The following PLEKHB2 variants were observed in gnomAD, a reference collection of about 807,000 sequenced individuals.
PLEKHB2 encodes the protein pleckstrin homology domain containing B2, also known as pleckstrin homology domain-containing family B member 2.
In PLEKHB2, 31 loss-of-function variants were observed where a neutral mutation model predicts 36.5. The observed-to-expected ratio is 0.85, with a 90% CI of 0.64 to 1.15. PLEKHB2 has a LOEUF of 1.15. Among genes scored for constraint, PLEKHB2 ranks in the 50% most tolerant of loss-of-function variants. PLEKHB2 has a pLI of 0.00. For synonymous variants in PLEKHB2, 119 were observed against 112.0 expected (o/e 1.06, Z -0.39); for missense variants, 262 against 295.3 (o/e 0.89, Z 0.83).
At chr2:131,120,855 G>C in intron 1 of PLEKHB2, 79 bp from the exon 2 acceptor site, 3 of 1,417,076 alleles carry the variant, frequency 2.1e-6, no homozygotes, top group Non-Finnish European at 3.0e-6. Context: ...TGCTGAAGGG[G>C]ATAAGGATAG....
intron 5 of PLEKHB2, 49 bp downstream of exon 5, chr2:131,130,809 G>A: frequency 1.5e-6 from 2 of 1,332,188 alleles, no homozygotes; most frequent in South Asian, 2.4e-5. Flanking sequence ...TTTTGACAAG[G>A]TGTCACTCTC....
At chr2:131,136,122 A>G (rs1469054455) in intron 6 of PLEKHB2, among the ~76,000 whole-genome samples, 1 of 150,992 alleles carries the variant, frequency 6.6e-6, no homozygotes, top group East Asian at 1.9e-4. Context: ...GTTTATCATG[A>G]CTGGTTGTCA....
chr2:131,118,895 A>G (rs1202605714), intron 1 of PLEKHB2: 1 of 143,946 alleles, frequency 6.9e-6, no homozygotes, highest in Non-Finnish European at 1.5e-5. Flanking sequence ...AAAAAAAAAA[A>G]AAAGCTAAAG....
rs1274280350 is a variant in PLEKHB2, at chr2:131,132,884, C to G, written c.334-18C>G. ...GCTGGGAAGCTGTCCTGTCCTCACC[C>G]TCTCCTGTCTCCCGCAGGCGTATGT... On this transcript the variant is annotated intron_variant, in intron 5 of 7. Transcript: ENST00000693505. The G allele has an allele frequency of 1.3e-6, 2 of 1,489,054 alleles. No individual in the cohort carries two copies. Among genetic ancestry groups the G allele is most frequent in the African/African-American group, 2.8e-5 (2 of 72,514 alleles). The allele number at this position is 1,489,054 out of a possible 1,614,324, so 92.2% of individuals were successfully genotyped here. A position where few individuals can be genotyped will look rare whatever the true frequency, so the allele number is the denominator to read the frequency against.
At chr2:131,137,959 C>G (rs934157334) in intron 6 of PLEKHB2, among the ~76,000 whole-genome samples, 18 of 150,736 alleles carry the variant, frequency 1.2e-4, no homozygotes, top group African/African-American at 4.4e-4. Context: ...ACTTTCTACT[C>G]TCCTTCTGGC....
At chr2:131,134,269 C>G (rs571491514) in intron 6 of PLEKHB2, among the ~76,000 whole-genome samples, 2 of 152,226 alleles carry the variant, frequency 1.3e-5, no homozygotes, top group East Asian at 3.9e-4. Context: ...TCACCACAAC[C>G]TCCACCTCCC....
In PLEKHB2 at chr2:131,135,212, C is replaced by A. The variant is rs150529395; in HGVS notation, c.423+2221C>A. On this transcript the variant is annotated intron_variant, in intron 6 of 7. Transcript: ENST00000693505. ...TCAGCCTCCTGAGTAGCCGGGATTA[C>A]AGGCACGTGCCACCACACTAATTTT... Among the ~76,000 whole-genome samples, 568 of 152,150 alleles carry A rather than the reference C, an allele frequency of 3.7e-3. 1 individual carries two copies. Among genetic ancestry groups the A allele is most frequent in the African/African-American group, 0.013 (543 of 41,494 alleles).
intron 6 of PLEKHB2, among the ~76,000 whole-genome samples, chr2:131,133,467 A>G (rs1426820117): frequency 6.6e-6 from 1 of 152,224 alleles, no homozygotes; most frequent in Non-Finnish European, 1.5e-5. Flanking sequence ...TGAATTTTGA[A>G]ATAATTATAG....
At chr2:131,110,535 G>A (rs1350349578) in intron 1 of PLEKHB2, among the ~76,000 whole-genome samples, 5 of 152,028 alleles carry the variant, frequency 3.3e-5, no homozygotes, top group Non-Finnish European at 4.4e-5. Flanking sequence ...ACCACTATGT[G>A]CAGCTAACTT....
chr2:131,107,339 G>A (rs1694842796), intron 1 of PLEKHB2: 1 of 152,200 alleles, frequency 6.6e-6, no homozygotes, highest in African/African-American at 2.4e-5. Context: ...TCTGCCCTTT[G>A]ATGGTGCTTG....
At chr2:131,126,275 C>T (rs1471579957) in intron 3 of PLEKHB2, among the ~76,000 whole-genome samples, 1 of 152,120 alleles carries the variant, frequency 6.6e-6, no homozygotes, top group Non-Finnish European at 1.5e-5. Context: ...TGCCTGTAAT[C>T]CCAGCACTTT....
intron 4 of PLEKHB2, chr2:131,127,186 C>T (rs780895204): frequency 5.4e-6 from 1 of 183,820 alleles, no homozygotes; most frequent in Admixed American, 5.8e-5. Context: ...TTCATTGTCT[C>T]ATAGTTCTGG....
intron 1 of PLEKHB2, among the ~76,000 whole-genome samples, chr2:131,109,441 G>A (rs1405730358): frequency 6.6e-6 from 1 of 152,160 alleles, no homozygotes; most frequent in Non-Finnish European, 1.5e-5. Flanking sequence ...TTGGAGGCCA[G>A]CACTTTTGGA....
chr2:131,111,916 TGA>T lies in PLEKHB2; in HGVS notation c.-9+6519_-9+6520del, dbSNP rs200401508. On this transcript the variant is annotated intron_variant, in intron 1 of 7. Transcript: ENST00000693505. ...ATGGTCTAGATTTTTCTCCAGTGTC[TGA>T]TTGTGGTACTGTGAAATGTTTATTT... 2.8e-3 allele frequency among the ~76,000 whole-genome samples: 422 copies of T among 152,366 alleles called. 9 individuals are homozygous for T. The highest frequency in any genetic ancestry group is 0.02 in the Admixed American group (304 of 15,300).
At chr2:131,143,115 G>C (rs1425904091) in intron 7 of PLEKHB2, among the ~76,000 whole-genome samples, 1 of 152,176 alleles carries the variant, frequency 6.6e-6, no homozygotes, top group Non-Finnish European at 1.5e-5. Context: ...CCCAGCTGCA[G>C]ACTAATGTTA....
rs138448292 is a variant in PLEKHB2, at chr2:131,124,280, C to T, written c.38-1473C>T. Among the ~76,000 whole-genome samples, 62 of 152,190 alleles carry T rather than the reference C, an allele frequency of 4.1e-4. 1 individual carries two copies. In the East Asian group the frequency reaches 6.4e-3, roughly 16 times the overall value. On this transcript the variant is annotated intron_variant, in intron 2 of 7. Coordinates refer to ENST00000693505, the MANE Select transcript of PLEKHB2 (RefSeq NM_001100623.2). The stretch of plus-strand genomic sequence containing the variant: ...TACTACTGGCAGGAAAGCCGAATGG[C>T]GCATATCTGGTTGACACCAGTTGCA...
At chr2:131,109,103 T>C (rs1573512477) in intron 1 of PLEKHB2, among the ~76,000 whole-genome samples, 2 of 152,084 alleles carry the variant, frequency 1.3e-5, no homozygotes, top group African/African-American at 4.8e-5. Context: ...GAGGCTGAGA[T>C]GGAAGAATCC....
At chr2:131,113,836 G>C (rs1172875989) in intron 1 of PLEKHB2, among the ~76,000 whole-genome samples, 1 of 152,058 alleles carries the variant, frequency 6.6e-6, no homozygotes, top group Non-Finnish European at 1.5e-5. Flanking sequence ...GATCAGGGAG[G>C]GTCCCTGTCT....
rs180879888 is a variant in PLEKHB2, at chr2:131,141,361, C to T, written c.532+1086C>T. On this transcript the variant is annotated intron_variant, in intron 7 of 7. Transcript: ENST00000693505. Reference sequence around the variant, plus strand: ...ACCATTAAAATGATAATAAGTAGTCCGGGCACGGTGGCTCACGCCTGTAAT... The same window carrying T: ...ACCATTAAAATGATAATAAGTAGTCTGGGCACGGTGGCTCACGCCTGTAAT... Among the ~76,000 whole-genome samples, 13 of 152,088 alleles carry T rather than the reference C, an allele frequency of 8.5e-5. No homozygotes were observed. In the East Asian group the frequency reaches 1.2e-3, roughly 14 times the overall value.
Sources: allele counts gnomAD v4.1 joint callset (sites outside exome capture counted in the v4.1 genomes callset), GRCh38; gene constraint gnomAD v4.1.1; transcripts MANE v1.5; gene names NCBI Gene and HGNC (gene_info 2026-07-23, HGNC 2026-07-21).